The following CAMTA1 variants were observed in gnomAD, a reference collection of about 807,000 sequenced individuals.
The protein encoded by CAMTA1 is calmodulin-binding transcription activator 1.
A neutral mutation model predicts 170.9 loss-of-function variants in CAMTA1; 27 were observed. That is an observed-to-expected ratio of 0.16 (90% CI 0.12 to 0.22). The LOEUF is 0.22. Ranked by LOEUF, CAMTA1 falls within the 10% of genes least tolerant of loss-of-function variation. CAMTA1 has a pLI of 1.00. For synonymous variants in CAMTA1, 833 were observed against 891.5 expected (o/e 0.93, Z 1.17); for missense variants, 1,619 against 2,217.2 (o/e 0.73, Z 5.42).
intron 5 of CAMTA1, among the ~76,000 whole-genome samples, chr1:7,408,917 G>A (rs1310017628): frequency 2.6e-5 from 4 of 152,090 alleles, no homozygotes; most frequent in South Asian, 2.1e-4. Flanking sequence ...TCTGCTCAGC[G>A]CCAGCCAGGT....
intron 11 of CAMTA1, among the ~76,000 whole-genome samples, chr1:7,725,399 G>C (rs1015834910): frequency 6.6e-6 from 1 of 152,254 alleles, no homozygotes; most frequent in Non-Finnish European, 1.5e-5. Context: ...CAGCAGTGCA[G>C]GTGGCTGGGT....
chr1:7,735,209 A>G (rs2096762199), intron 12 of CAMTA1, among the ~76,000 whole-genome samples: 1 of 152,202 alleles, frequency 6.6e-6, no homozygotes, highest in Admixed American at 6.5e-5. Flanking sequence ...CTTCAGAAGA[A>G]GCAAGAGGCT....
At chr1:7,403,997 G>A (rs963882620) in intron 5 of CAMTA1, among the ~76,000 whole-genome samples, 2 of 152,214 alleles carry the variant, frequency 1.3e-5, no homozygotes, top group African/African-American at 4.8e-5. Flanking sequence ...CAGCGGGGAG[G>A]GATGCTGTTT....
chr1:7,390,838 C>T (rs762698478), intron 5 of CAMTA1, among the ~76,000 whole-genome samples: 6 of 152,210 alleles, frequency 3.9e-5, no homozygotes, highest in Non-Finnish European at 7.3e-5. Context: ...TGACGTGACT[C>T]CACACCAAGC....
rs1468487669 is a variant in CAMTA1, at chr1:7,736,838, T to C, written c.3264-93T>C. 8.8e-6 allele frequency: 9 copies of C among 1,017,622 alleles called. No individual in the cohort carries two copies. In the Admixed American group the frequency reaches 1.2e-4, roughly 14 times the overall value. The allele number at this position is 1,017,622 out of a possible 1,614,324, so 63.0% of individuals were successfully genotyped here. The stretch of plus-strand genomic sequence containing the variant: ...CACCATGGGGATGTTATATACCCAG[T>C]TGGGTTTCATCTTGGTGGGGTTTTA... On this transcript the variant is annotated intron_variant, in intron 13 of 22. Coordinates refer to ENST00000303635, the MANE Select transcript of CAMTA1 (RefSeq NM_015215.4). The surrounding 1 kb of genome is among the most constrained non-coding windows in gnomAD (Gnocchi z 4.5).
At chr1:7,294,291 G>C (rs1673605904) in intron 5 of CAMTA1, among the ~76,000 whole-genome samples, 1 of 152,180 alleles carries the variant, frequency 6.6e-6, no homozygotes, top group South Asian at 2.1e-4. Context: ...AGGACTGGGG[G>C]GCTATGGATG....
Position 7,467,862 on chromosome 1 carries a change from C to T in CAMTA1, c.471C>T (p.Ile157=). The T allele has an allele frequency of 2.5e-6, 4 of 1,614,092 alleles. No homozygotes were observed. Among genetic ancestry groups the T allele is most frequent in the Non-Finnish European group, 3.4e-6 (4 of 1,179,944 alleles). ...ACGGCTGCTATGTCCATTCCTCCAT[C>T]ATCCCCACCTTCCACCGGAGGTGCT... ...CLYGCYVHSS[I]IPTFHRRCYW... is the part of the protein sequence containing the mutation. The change falls in exon 6 of 23, where the codon ATC becomes ATT. Residue 157 remains isoleucine (I), a synonymous_variant. Coordinates refer to ENST00000303635, the MANE Select transcript of CAMTA1 (RefSeq NM_015215.4).
chr1:7,623,294 G>A (rs1008186006), intron 6 of CAMTA1, among the ~76,000 whole-genome samples: 4 of 152,072 alleles, frequency 2.6e-5, no homozygotes, highest in Admixed American at 1.3e-4. Flanking sequence ...GAATGAATGA[G>A]GGAATTAATG....
At chr1:7,315,496 C>T (rs777946497) in intron 5 of CAMTA1, among the ~76,000 whole-genome samples, 3 of 152,156 alleles carry the variant, frequency 2.0e-5, no homozygotes, top group Admixed American at 6.5e-5. Context: ...TGGCTTTTAC[C>T]GTGGTGAATC....
At chr1:7,380,337 G>A (rs139418452) in intron 5 of CAMTA1, among the ~76,000 whole-genome samples, 189 of 152,324 alleles carry the variant, frequency 1.2e-3, no homozygotes, top group African/African-American at 4.4e-3. Flanking sequence ...CACTTTGGGA[G>A]GCTGAGGCAG....
intron 3 of CAMTA1, among the ~76,000 whole-genome samples, chr1:6,899,828 A>G (rs1676544991): frequency 6.6e-6 from 1 of 152,234 alleles, no homozygotes; most frequent in Non-Finnish European, 1.5e-5. Context: ...CAAGTCCTTC[A>G]TCGGTTGATC....
At chr1:7,098,748 C>G (rs935563087) in intron 4 of CAMTA1, among the ~76,000 whole-genome samples, 6 of 152,192 alleles carry the variant, frequency 3.9e-5, no homozygotes, top group African/African-American at 1.4e-4. Flanking sequence ...GGCGGGGGCA[C>G]TGATGGCCTG....
Position 7,249,659 on chromosome 1 carries a change from A to C in CAMTA1, c.438+33A>C, listed in dbSNP as rs764659535. 7 of 1,609,864 alleles carry C rather than the reference A, an allele frequency of 4.3e-6. No individual in the cohort carries two copies. The highest frequency in any genetic ancestry group is 5.9e-6 in the Non-Finnish European group (7 of 1,177,696). On this transcript the variant is annotated intron_variant, in intron 5 of 22. Transcript: ENST00000303635. The surrounding 1 kb of genome is among the most constrained non-coding windows in gnomAD (Gnocchi z 4.4). ...GCAGAAAAGGTTCCCTTGGTGCACA[A>C]ATGTCATTTGCAGGCTGCAGTGGAG...
In CAMTA1 at chr1:7,665,156, T is replaced by C; in HGVS notation, c.2609T>C (p.Val870Ala). The part of the protein sequence containing the change: ...TLGMLQQSGR[V>A]FMVTDYSPEW... ...GGCATGCTGCAGCAGAGCGGACGGG[T>C]GTTCATGGTGACCGACTACTCCCCA... The change falls in exon 9 of 23, where the codon GTG (valine) becomes GCG (alanine). Residue 870 changes from valine to alanine, a missense_variant. Physicochemically the swap from Val to Ala is moderately conservative, Grantham distance 64 (BLOSUM62 0). Coordinates refer to ENST00000303635, the MANE Select transcript of CAMTA1 (RefSeq NM_015215.4). This position sits in a 1 kb window ranked among gnomAD's most constrained non-coding sequence, Gnocchi z 4.3. 5 of 1,497,372 alleles carry C rather than the reference T, an allele frequency of 3.3e-6. No homozygotes were observed. The highest frequency in any genetic ancestry group is 4.4e-6 in the Non-Finnish European group (5 of 1,127,770). The allele number at this position is 1,497,372 out of a possible 1,614,324, so 92.8% of individuals were successfully genotyped here. A position where few individuals can be genotyped will look rare whatever the true frequency, so the allele number is the denominator to read the frequency against.
chr1:7,769,598 C>T lies in CAMTA1; in HGVS notation c.*3107C>T, dbSNP rs2097044203. The stretch of plus-strand genomic sequence containing the variant: ...ATGGATCTGTTGAAGAACTCAGCTG[C>T]TGGAAACCATGCAAAATGTTTTGAA... On this transcript the variant is annotated 3_prime_UTR_variant, in exon 23 of 23. Coordinates refer to ENST00000303635, the MANE Select transcript of CAMTA1 (RefSeq NM_015215.4). 1 of 152,740 alleles carries T rather than the reference C, an allele frequency of 6.5e-6. No homozygotes were observed. Among genetic ancestry groups the T allele is most frequent in the African/African-American group, 2.4e-5 (1 of 41,432 alleles). 9.5% of individuals were successfully genotyped at this position (152,740 alleles called of 1,614,324 possible).
At chr1:7,312,290 A>G (rs1676844766) in intron 5 of CAMTA1, among the ~76,000 whole-genome samples, 1 of 152,020 alleles carries the variant, frequency 6.6e-6, no homozygotes, top group Non-Finnish European at 1.5e-5. Context: ...GCTGCAGTGC[A>G]AGTGAATGGA....
chr1:6,879,294 G>T (rs536811089), intron 3 of CAMTA1, among the ~76,000 whole-genome samples: 53 of 152,316 alleles, frequency 3.5e-4, no homozygotes, highest in African/African-American at 1.3e-3. Context: ...TGTGAGCGAA[G>T]CCTGTGTCTT....
At chr1:7,749,932 G>A in intron 19 of CAMTA1, 1 of 357,740 alleles carries the variant, frequency 2.8e-6, no homozygotes, top group Non-Finnish European at 5.6e-6. Context: ...CCTAAGCACA[G>A]TTCCTCTGTC....
chr1:6,975,336 A>G (rs749571245), intron 3 of CAMTA1, among the ~76,000 whole-genome samples: 8 of 152,218 alleles, frequency 5.3e-5, no homozygotes, highest in Non-Finnish European at 1.0e-4. Flanking sequence ...TGGCATGGTT[A>G]GCGTCACTGC....
Sources: gnomAD v4.1 joint callset for allele counts (sites outside exome capture counted in the v4.1 genomes callset) on GRCh38, gnomAD v4.1.1 for gene constraint, Gnocchi (gnomAD v3.1) non-coding constraint, MANE v1.5 for transcripts, NCBI Gene and HGNC (gene_info 2026-07-23, HGNC 2026-07-21) for gene names.